The following CTNNA2 variants were observed in gnomAD, a reference collection of about 807,000 sequenced individuals.
CTNNA2 encodes catenin alpha-2.
In CTNNA2, 42 loss-of-function variants were observed where a neutral mutation model predicts 101.0. The ratio of observed to expected loss-of-function variants is 0.42; its 90% confidence interval spans 0.32 to 0.54. CTNNA2 has a LOEUF of 0.54. Ranked by LOEUF, CTNNA2 falls within the 20% of genes least tolerant of loss-of-function variation. The pLI is 0.14. For synonymous variants in CTNNA2, 450 were observed against 456.4 expected (o/e 0.99, Z 0.18); for missense variants, 871 against 1,223.1 (o/e 0.71, Z 4.29).
chr2:80,498,485 C>A (rs1015041691), intron 9 of CTNNA2, among the ~76,000 whole-genome samples: 4 of 152,160 alleles, frequency 2.6e-5, no homozygotes, highest in Admixed American at 2.6e-4. Flanking sequence ...TTCCATGCTG[C>A]CCCCACCTTT....
intron 7 of CTNNA2, among the ~76,000 whole-genome samples, chr2:79,913,855 A>T (rs1282125611): frequency 6.6e-6 from 1 of 152,064 alleles, no homozygotes; most frequent in African/African-American, 2.4e-5. Flanking sequence ...GGAAATTCTG[A>T]TTTACTTGGG....
intron 2 of CTNNA2, among the ~76,000 whole-genome samples, chr2:79,725,950 C>T (rs539356278): frequency 1.3e-5 from 2 of 152,186 alleles, no homozygotes; most frequent in Non-Finnish European, 1.5e-5. Context: ...GCATTTGTCC[C>T]TCTGCCAGGT....
chr2:79,405,469 G>T (rs1229328852), intron 4 of CTNNA2, among the ~76,000 whole-genome samples: 2 of 151,934 alleles, frequency 1.3e-5, no homozygotes, highest in South Asian at 2.1e-4. Context: ...GGGATTACAG[G>T]TGTGCACCAC....
chr2:80,048,852 A>T (rs1696691528), intron 7 of CTNNA2, among the ~76,000 whole-genome samples: 1 of 152,202 alleles, frequency 6.6e-6, no homozygotes, highest in African/African-American at 2.4e-5. Context: ...ACTTTCAGGA[A>T]TGCAGGCAAG....
intron 15 of CTNNA2, among the ~76,000 whole-genome samples, chr2:80,594,521 A>G (rs1180826553): frequency 6.6e-6 from 1 of 151,906 alleles, no homozygotes; most frequent in African/African-American, 2.4e-5. Flanking sequence ...GAAGTTCAAC[A>G]TCTTTTTTTT....
chr2:80,481,157 C>T (rs1417051155), intron 9 of CTNNA2, among the ~76,000 whole-genome samples: 1 of 152,122 alleles, frequency 6.6e-6, no homozygotes, highest in African/African-American at 2.4e-5. Flanking sequence ...GCAAGAATGA[C>T]AGTAACTCTG....
At chr2:79,826,740 TG>T (rs1678470129) in intron 3 of CTNNA2, among the ~76,000 whole-genome samples, 1 of 152,218 alleles carries the variant, frequency 6.6e-6, no homozygotes, top group Non-Finnish European at 1.5e-5. Flanking sequence ...GGGCTCTGTG[TG>T]TAGGCTTCTT....
intron 2 of CTNNA2, among the ~76,000 whole-genome samples, chr2:79,725,700 TTC>T (rs905415068): frequency 6.6e-6 from 1 of 152,232 alleles, no homozygotes; most frequent in South Asian, 2.1e-4. Context: ...ACATTTTTAT[TTC>T]TTTCTAAATT....
intron 1 of CTNNA2, among the ~76,000 whole-genome samples, chr2:79,647,795 A>ATG (rs1680927866): frequency 6.6e-6 from 1 of 152,210 alleles, no homozygotes; most frequent in African/African-American, 2.4e-5. Context: ...CTTCTTGATC[A>ATG]TGTGTTGATG....
intron 1 of CTNNA2, among the ~76,000 whole-genome samples, chr2:79,636,183 T>C (rs555656619): frequency 1.0e-3 from 137 of 135,174 alleles, no homozygotes; most frequent in Middle Eastern, 9.9e-3. Flanking sequence ...GGCAGGAGAA[T>C]GGCGTGGACC....
At chr2:79,278,946 G>C (rs1675289647) in intron 2 of CTNNA2, among the ~76,000 whole-genome samples, 1 of 152,110 alleles carries the variant, frequency 6.6e-6, no homozygotes, top group African/African-American at 2.4e-5. Flanking sequence ...TTCATAGAAA[G>C]TGTCAGCTGG....
intron 2 of CTNNA2, among the ~76,000 whole-genome samples, chr2:79,254,236 G>A (rs978224951): frequency 6.6e-6 from 1 of 152,304 alleles, no homozygotes; most frequent in African/African-American, 2.4e-5. Context: ...AGATCAAAGT[G>A]GAATGTCTGC....
At chr2:80,030,316 C>A (rs1250567714) in intron 7 of CTNNA2, among the ~76,000 whole-genome samples, 1 of 151,620 alleles carries the variant, frequency 6.6e-6, no homozygotes, top group Admixed American at 6.6e-5. Context: ...TCCTCCAATT[C>A]TTAATGATGA....
At chr2:79,969,599 A>T (rs570986109) in intron 7 of CTNNA2, among the ~76,000 whole-genome samples, 11 of 152,344 alleles carry the variant, frequency 7.2e-5, no homozygotes, top group African/African-American at 2.6e-4. Context: ...AACTACCTGT[A>T]TATGAGAACT....
intron 13 of CTNNA2, among the ~76,000 whole-genome samples, chr2:80,578,002 T>A (rs963636866): frequency 6.6e-6 from 1 of 152,218 alleles, no homozygotes; most frequent in Non-Finnish European, 1.5e-5. Flanking sequence ...AATCCTTCAA[T>A]ACTTTCTCAC....
chr2:79,955,353 C>G (rs183151632), intron 7 of CTNNA2, among the ~76,000 whole-genome samples: 414 of 152,196 alleles, frequency 2.7e-3, no homozygotes, highest in African/African-American at 9.4e-3. Flanking sequence ...TTTTGTAGTG[C>G]TCTGAGAGGG....
At chr2:79,453,838 A>G (rs1386266554) in intron 4 of CTNNA2, among the ~76,000 whole-genome samples, 2 of 152,182 alleles carry the variant, frequency 1.3e-5, no homozygotes, top group African/African-American at 4.8e-5. Flanking sequence ...ATGAGAGGCC[A>G]TAGAGACAAA....
chr2:79,688,765 G>T (rs1451101009), intron 2 of CTNNA2, among the ~76,000 whole-genome samples: 1 of 152,090 alleles, frequency 6.6e-6, no homozygotes, highest in African/African-American at 2.4e-5. Flanking sequence ...GCTTCGGGCA[G>T]TTTCACTGAT....
intron 12 of CTNNA2, among the ~76,000 whole-genome samples, chr2:80,556,207 C>G (rs1693014687): frequency 6.6e-6 from 1 of 152,114 alleles, no homozygotes; most frequent in African/African-American, 2.4e-5. Context: ...AATTTTATGA[C>G]TTGAGAAAAT....
Sources: allele counts gnomAD v4.1 joint callset (sites outside exome capture counted in the v4.1 genomes callset), GRCh38; gene constraint gnomAD v4.1.1; transcripts MANE v1.5; gene names NCBI Gene and HGNC (gene_info 2026-07-23, HGNC 2026-07-21).